Variants in STARD13 observed in about 807,000 individuals in gnomAD.
STARD13 encodes stAR-related lipid transfer protein 13.
Under a neutral mutation model 106.4 loss-of-function variants are expected in STARD13, and 62 were observed. The observed-to-expected ratio is 0.58, with a 90% confidence interval of 0.48 to 0.72. The LOEUF (loss-of-function observed/expected upper bound fraction) is 0.72. STARD13 is among the 30% of genes least tolerant of loss of function. The pLI, the probability that STARD13 is intolerant of heterozygous loss-of-function variation, is 0.00. For synonymous variants in STARD13, 565 were observed against 553.0 expected, an observed-to-expected ratio of 1.02 and a Z score of -0.31; for missense variants, 1,387 against 1,424.0, an observed-to-expected ratio of 0.97 and a Z score of 0.42.
At chr13:33,639,450 A>G in the STARD13 span, among the ~76,000 whole-genome samples, 2 of 152,228 alleles carry the variant, frequency 1.3e-5, no homozygotes, top group Admixed American at 6.5e-5. Context: ...CCTGCCTCCA[A>G]GGAAGTCCTG....
chr13:33,587,269 A>T, the STARD13 span, among the ~76,000 whole-genome samples: 1 of 152,112 alleles, frequency 6.6e-6, no homozygotes, highest in African/African-American at 2.4e-5. Flanking sequence ...TGTAGCTAAA[A>T]TCTTGCAACA....
chr13:33,481,424 A>T, the STARD13 span, among the ~76,000 whole-genome samples: 1 of 152,226 alleles, frequency 6.6e-6, no homozygotes, highest in Non-Finnish European at 1.5e-5. Context: ...AGTTTTACCT[A>T]AAGATATTGA....
chr13:33,130,420 T>C lies in STARD13; in HGVS notation c.388-131A>G. The stretch of plus-strand genomic sequence containing the variant: ...TGTCCTCCCATGCACAGGTGTGAGC[T>C]TCTTGGGCACCTCTAAGCTGTCCTT... On this transcript the variant is annotated intron_variant, in intron 4 of 13. Coordinates refer to ENST00000336934, the MANE Select transcript of STARD13 (RefSeq NM_178006.4). This position sits in a 1 kb window ranked among gnomAD's most constrained non-coding sequence, Gnocchi z 4.1. 2.4e-6 allele frequency: 2 copies of C among 827,394 alleles called. No homozygotes were observed. Among genetic ancestry groups the C allele is most frequent in the Non-Finnish European group, 3.8e-6 (2 of 533,272 alleles). The allele number at this position is 827,394 out of a possible 1,614,324, so 51.3% of individuals were successfully genotyped here.
chr13:33,635,014 C>T, the STARD13 span, among the ~76,000 whole-genome samples: 75 of 152,302 alleles, frequency 4.9e-4, no homozygotes, highest in Non-Finnish European at 8.1e-4. Context: ...CAAAGGGGAA[C>T]ATTTGAGATG....
chr13:33,438,215 C>T, the STARD13 span, among the ~76,000 whole-genome samples: 1 of 152,180 alleles, frequency 6.6e-6, no homozygotes, highest in African/African-American at 2.4e-5. Flanking sequence ...ATCAGTTCTC[C>T]AGGGGAAATA....
the STARD13 span, among the ~76,000 whole-genome samples, chr13:33,641,765 C>G: frequency 6.6e-6 from 1 of 152,016 alleles, no homozygotes; most frequent in Non-Finnish European, 1.5e-5. Flanking sequence ...CTCATTTGTT[C>G]GAGATCAGGA....
the STARD13 span, among the ~76,000 whole-genome samples, chr13:33,454,459 C>A: frequency 8.5e-5 from 13 of 152,208 alleles, no homozygotes; most frequent in African/African-American, 3.1e-4. Context: ...CATGAACTAA[C>A]ATATTCATCC....
At chr13:33,436,505 C>T in the STARD13 span, among the ~76,000 whole-genome samples, 1 of 152,120 alleles carries the variant, frequency 6.6e-6, no homozygotes, top group Non-Finnish European at 1.5e-5. Flanking sequence ...TATATTTACT[C>T]TTCAAAAATA....
At chr13:33,298,502 C>T (rs1237281373) in intron 1 of STARD13, among the ~76,000 whole-genome samples, 1 of 151,958 alleles carries the variant, frequency 6.6e-6, no homozygotes, top group Non-Finnish European at 1.5e-5. Flanking sequence ...ATACCACCCT[C>T]CTGCCACAAA....
the STARD13 span, among the ~76,000 whole-genome samples, chr13:33,479,383 C>T: frequency 6.6e-6 from 1 of 152,034 alleles, no homozygotes; most frequent in Non-Finnish European, 1.5e-5. Flanking sequence ...TTTCACTTTC[C>T]CAAAAATGCA....
the STARD13 span, among the ~76,000 whole-genome samples, chr13:33,430,963 A>G: frequency 2.0e-5 from 3 of 152,246 alleles, no homozygotes; most frequent in African/African-American, 7.2e-5. Context: ...GTACAAATAT[A>G]GAGTCAGATA....
intron 8 of STARD13, among the ~76,000 whole-genome samples, chr13:33,116,432 T>C (rs1040634456): frequency 6.6e-6 from 1 of 152,188 alleles, no homozygotes; most frequent in Non-Finnish European, 1.5e-5. Flanking sequence ...ATCCTTAAGA[T>C]CAGAGAGTGA....
intron 1 of STARD13, among the ~76,000 whole-genome samples, chr13:33,179,999 A>G (rs760756274): frequency 2.3e-4 from 35 of 152,200 alleles, no homozygotes; most frequent in Admixed American, 2.6e-4. Context: ...TTGGGGTCAC[A>G]TGGCACCCAT....
At chr13:33,415,718 A>T in the STARD13 span, among the ~76,000 whole-genome samples, 2 of 151,996 alleles carry the variant, frequency 1.3e-5, no homozygotes, top group African/African-American at 4.9e-5. Context: ...TTTTAAAAAT[A>T]AAGGCCAAAA....
At chr13:33,596,713 A>T in the STARD13 span, among the ~76,000 whole-genome samples, 1 of 152,090 alleles carries the variant, frequency 6.6e-6, no homozygotes, top group Non-Finnish European at 1.5e-5. Context: ...CCTTTCTCTG[A>T]TAACCATAAT....
intron 4 of STARD13, among the ~76,000 whole-genome samples, chr13:33,131,990 T>C (rs1878359506): frequency 6.6e-6 from 1 of 152,254 alleles, no homozygotes. Context: ...GCGTCCACTT[T>C]AACTCCCTTT....
chr13:33,479,777 A>G, the STARD13 span, among the ~76,000 whole-genome samples: 33,375 of 151,934 alleles, frequency 0.22, 6,783 homozygotes, highest in African/African-American at 0.54. Context: ...ATGATAGTGA[A>G]TTCTCGTGAG....
chr13:33,530,699 T>A, the STARD13 span, among the ~76,000 whole-genome samples: 1 of 152,222 alleles, frequency 6.6e-6, no homozygotes, highest in East Asian at 1.9e-4. Context: ...AGGTATATAA[T>A]GTCTGGCTGT....
the STARD13 span, among the ~76,000 whole-genome samples, chr13:33,537,137 G>C: frequency 0.21 from 32,478 of 152,102 alleles, 3,841 homozygotes; most frequent in East Asian, 0.42. Context: ...ACAGTTCTGA[G>C]CACGGCTTTC....
Sources: gnomAD v4.1 joint callset for allele counts (sites outside exome capture counted in the v4.1 genomes callset) on GRCh38, gnomAD v4.1.1 for gene constraint, Gnocchi (gnomAD v3.1) non-coding constraint, MANE v1.5 for transcripts, NCBI Gene and HGNC (gene_info 2026-07-23, HGNC 2026-07-21) for gene names.